CTNNA3: variants seen among roughly 807,000 people sequenced by gnomAD.
CTNNA3 encodes the protein catenin alpha 3.
Under a neutral mutation model 95.7 loss-of-function variants are expected in CTNNA3, and 76 were observed. The observed-to-expected ratio is 0.79, with a 90% CI of 0.66 to 0.96. The LOEUF (loss-of-function observed/expected upper bound fraction) is 0.96. Ranked by LOEUF, CTNNA3 falls within the 40% of genes least tolerant of loss-of-function variation. The pLI is 0.00. For missense variants in CTNNA3, 1,191 were observed against 1,089.8 expected (o/e 1.09, Z -1.31); for synonymous variants, 431 against 374.4 (o/e 1.15, Z -1.74).
chr10:66,231,598 T>C (rs1350038206), intron 13 of CTNNA3, among the ~76,000 whole-genome samples: 2 of 152,140 alleles, frequency 1.3e-5, no homozygotes, highest in Non-Finnish European at 2.9e-5. Context: ...CTTTATACAA[T>C]GTAATTAGTG....
At chr10:66,605,630 C>T (rs1442661756) in intron 10 of CTNNA3, among the ~76,000 whole-genome samples, 3 of 152,110 alleles carry the variant, frequency 2.0e-5, no homozygotes, top group African/African-American at 4.8e-5. Flanking sequence ...CCCTACAAGC[C>T]AGAAGAGACT....
At chr10:66,797,406 G>GAAA (rs1554853578) in intron 7 of CTNNA3, among the ~76,000 whole-genome samples, 199 of 85,880 alleles carry the variant, frequency 2.3e-3, no homozygotes, top group African/African-American at 7.7e-3. Context: ...TCAAAAGTAA[G>GAAA]AAAAAAAAAA....
At chr10:66,906,674 T>A (rs1335074702) in intron 7 of CTNNA3, among the ~76,000 whole-genome samples, 2 of 152,102 alleles carry the variant, frequency 1.3e-5, no homozygotes, top group African/African-American at 4.8e-5. Context: ...TGTGTGTGCA[T>A]ATTGAATTTG....
intron 12 of CTNNA3, among the ~76,000 whole-genome samples, chr10:66,302,124 A>T (rs1020358097): frequency 6.6e-6 from 1 of 152,086 alleles, no homozygotes; most frequent in Non-Finnish European, 1.5e-5. Flanking sequence ...TATCTACGAG[A>T]TCCATGTGAA....
At chr10:67,724,507 C>A (rs1841197813) in intron 1 of CTNNA3, among the ~76,000 whole-genome samples, 1 of 152,098 alleles carries the variant, frequency 6.6e-6, no homozygotes, top group Non-Finnish European at 1.5e-5. Flanking sequence ...GGTTTCCCCA[C>A]CCCAAGTGTT....
intron 1 of CTNNA3, among the ~76,000 whole-genome samples, chr10:67,673,995 C>T (rs1216950182): frequency 1.3e-5 from 2 of 151,666 alleles, no homozygotes; most frequent in Admixed American, 1.3e-4. Context: ...CTGTAGGAGA[C>T]AATGCTGTAA....
At chr10:67,321,914 T>C (rs1175917373) in intron 5 of CTNNA3, among the ~76,000 whole-genome samples, 1 of 152,116 alleles carries the variant, frequency 6.6e-6, no homozygotes, top group Non-Finnish European at 1.5e-5. Context: ...AGGTGGAATA[T>C]TTGTGTCATA....
chr10:66,562,693 T>A (rs1488370926), intron 10 of CTNNA3, among the ~76,000 whole-genome samples: 1 of 152,128 alleles, frequency 6.6e-6, no homozygotes, highest in East Asian at 1.9e-4. Context: ...TATGCTAATA[T>A]GTACAGATCA....
chr10:66,647,093 A>T (rs4746615), intron 9 of CTNNA3, among the ~76,000 whole-genome samples: 100,714 of 151,932 alleles, frequency 0.66, 34,279 homozygotes, highest in East Asian at 0.95. Context: ...AAAATTCAGA[A>T]GAAATAAGTG....
chr10:66,569,614 A>T (rs1036074109), intron 10 of CTNNA3, among the ~76,000 whole-genome samples: 3 of 152,162 alleles, frequency 2.0e-5, no homozygotes, highest in African/African-American at 7.2e-5. Context: ...TTCTCAGAAC[A>T]TGAACTTTGA....
intron 3 of CTNNA3, among the ~76,000 whole-genome samples, chr10:67,566,041 G>GTTTATATATATATATATATATATA (rs1388066358): frequency 6.8e-5 from 2 of 29,434 alleles, no homozygotes; most frequent in South Asian, 2.3e-3. Flanking sequence ...ATATGTGTGT[G>GTTTATATATATATATATATATATA]TGTATATATA....
At chr10:66,566,026 C>T (rs1324404528) in intron 10 of CTNNA3, among the ~76,000 whole-genome samples, 2 of 152,098 alleles carry the variant, frequency 1.3e-5, no homozygotes, top group African/African-American at 4.8e-5. Context: ...CTAACGGATT[C>T]ATAGACATTG....
chr10:66,021,852 C>CTTTTTTTTTTTTTGTTTTT, intron 15 of CTNNA3, among the ~76,000 whole-genome samples: 1 of 75,940 alleles, frequency 1.3e-5, no homozygotes, highest in Non-Finnish European at 2.4e-5. Flanking sequence ...AGGATCTTGG[C>CTTTTTTTTTTTTTGTTTTT]TTTTTTTTTT....
intron 12 of CTNNA3, among the ~76,000 whole-genome samples, chr10:66,341,876 T>C (rs1348429489): frequency 1.3e-5 from 2 of 151,750 alleles, no homozygotes; most frequent in African/African-American, 4.8e-5. Context: ...TATATGGAAA[T>C]GGGATAGAAA....
intron 5 of CTNNA3, among the ~76,000 whole-genome samples, chr10:67,330,142 A>G (rs1841721275): frequency 6.6e-6 from 1 of 152,240 alleles, no homozygotes; most frequent in African/African-American, 2.4e-5. Flanking sequence ...ACTGGGAGGT[A>G]TAGCTGCTAT....
At chr10:66,130,562 C>T (rs551546313) in intron 13 of CTNNA3, among the ~76,000 whole-genome samples, 3 of 151,888 alleles carry the variant, frequency 2.0e-5, no homozygotes, top group African/African-American at 7.2e-5. Context: ...TACAAAGAAT[C>T]GGCCGGGCAC....
intron 7 of CTNNA3, among the ~76,000 whole-genome samples, chr10:66,866,475 G>C (rs1448550883): frequency 2.6e-5 from 4 of 152,182 alleles, no homozygotes; most frequent in African/African-American, 4.8e-5. Context: ...ACAAAAATAA[G>C]TAATTGTCTC....
At position 66,246,091 on chromosome 10, in the gene CTNNA3, C is replaced by T. The variant is rs187450145; in HGVS notation, c.1884+34379G>A. ...GTGGGGCCTCACCAGGGATGTACCC[C>T]CTTCCACCCAGCAATCTGTCCACCT... On this transcript the variant is annotated intron_variant, in intron 13 of 17. Transcript: ENST00000433211. Among the ~76,000 whole-genome samples the T allele has an allele frequency of 6.7e-3, 1,026 of 152,304 alleles. 10 individuals carry two copies. Among genetic ancestry groups the T allele is most frequent in the African/African-American group, 0.024 (979 of 41,560 alleles).
intron 11 of CTNNA3, among the ~76,000 whole-genome samples, chr10:66,500,170 A>G (rs1355464562): frequency 6.6e-6 from 1 of 152,178 alleles, no homozygotes; most frequent in Non-Finnish European, 1.5e-5. Flanking sequence ...AAACTCACAC[A>G]TACACTATTT....
Sources: gnomAD v4.1 joint callset for allele counts (sites outside exome capture counted in the v4.1 genomes callset) on GRCh38, gnomAD v4.1.1 for gene constraint, MANE v1.5 for transcripts, NCBI Gene and HGNC (gene_info 2026-07-23, HGNC 2026-07-21) for gene names.